The following CIAO3 variants were observed in gnomAD, a reference collection of about 807,000 sequenced individuals.
The protein encoded by CIAO3 is cytosolic iron-sulfur assembly component 3, also known as LET1 like/JFP15.
CIAO3 carries 45 observed loss-of-function variants against 51.5 expected under a neutral mutation model. The ratio of observed to expected loss-of-function variants is 0.87; its 90% confidence interval spans 0.69 to 1.12. The LOEUF is 1.12. Ranked by LOEUF, CIAO3 falls within the 50% of genes most tolerant of loss-of-function variation. The pLI is 0.00. For missense variants in CIAO3, 668 were observed against 632.5 expected (o/e 1.06, Z -0.60); for synonymous variants, 314 against 269.3 (o/e 1.17, Z -1.63).
chr16:740,361 G>A (rs922857665), intron 1 of CIAO3: 2 of 349,232 alleles, frequency 5.7e-6, no homozygotes, highest in African/African-American at 2.1e-5. Flanking sequence ...GCGACGTTAA[G>A]GACAGCTCTA....
At position 734,216 on chromosome 16, in the gene CIAO3, C is replaced by A. The variant is rs1390687628; in HGVS notation, c.693+13G>T. 1 of 1,608,574 alleles carries A rather than the reference C, an allele frequency of 6.2e-7. No homozygotes were observed. Among genetic ancestry groups the A allele is most frequent in the South Asian group, 1.1e-5 (1 of 91,034 alleles). The stretch of plus-strand genomic sequence containing the variant: ...TCCCCAGCCTGAGTCTGGGGCTGGC[C>A]CAACGCCGTTACCTGCTGCTGGGCG... On this transcript the variant is annotated intron_variant, in intron 6 of 10. Transcript: ENST00000251588.
chr16:732,718 C>T, intron 7 of CIAO3: 1 of 364,050 alleles, frequency 2.7e-6, no homozygotes, highest in South Asian at 2.1e-5. Flanking sequence ...CTCACTACGA[C>T]CTCTGCCCCC....
At position 730,604 on chromosome 16, in the gene CIAO3, T is replaced by C; in HGVS notation, c.1244A>G (p.Glu415Gly). Residue 415 changes from glutamate (E) to glycine (G), a missense_variant, in exon 11 of 11, where the codon GAG (glutamate) becomes GGG (glycine). Physicochemically the swap from Glu to Gly is moderately conservative, Grantham distance 98. Coordinates refer to ENST00000251588, the MANE Select transcript of CIAO3 (RefSeq NM_022493.3). ...CAGTCTCTCCACGTGCTGGAGGAGC[T>C]CTCTGCTGGGCCTGTCTGGGGCCTG... is the stretch of plus-strand genomic sequence containing the variant. ...QLQAPDRPSR[E>G]LLQHVERLYG... 1 of 1,610,620 alleles carries C rather than the reference T, an allele frequency of 6.2e-7. No individual in the cohort carries two copies. Among genetic ancestry groups the C allele is most frequent in the Non-Finnish European group, 8.5e-7 (1 of 1,179,962 alleles).
intron 1 of CIAO3, chr16:740,077 G>T: frequency 7.4e-7 from 1 of 1,354,290 alleles, no homozygotes; most frequent in Non-Finnish European, 9.7e-7. Flanking sequence ...GAGTTGCACT[G>T]CCCATCGAGA....
chr16:733,405 T>C lies in CIAO3; in HGVS notation c.716A>G (p.Tyr239Cys). 6.2e-7 allele frequency: 1 copy of C among 1,613,790 alleles called. No homozygotes were observed. The highest frequency in any genetic ancestry group is 1.1e-5 in the South Asian group (1 of 91,084). ...ATAGCAGGGCATCACTGTGACGTGG[T>C]AGATCTTGTCAGGGGTCAAGTGCTA... Reference protein sequence around the residue: ...QQQHLTPDKIYHVTVMPCYDK... With the variant: ...QQQHLTPDKICHVTVMPCYDK... Residue 239 changes from tyrosine (Y) to cysteine (C), a missense_variant, in exon 7 of 11, where the codon TAC (tyrosine) becomes TGC (cysteine). Transcript: ENST00000251588.
chr16:736,279 G>C lies in CIAO3; in HGVS notation c.426C>G (p.Phe142Leu). Residue 142 changes from phenylalanine (F) to leucine (L), a missense_variant, in exon 4 of 11, where the codon TTC becomes TTG. Physicochemically the swap from Phe to Leu is conservative, Grantham distance 22. Coordinates refer to ENST00000251588, the MANE Select transcript of CIAO3 (RefSeq NM_022493.3). ...TTCAAAGCCTACCTATTTTTTTAAA[G>C]AATGAGGTTAATTTCCTGGCAGTAT... ...PTDTARKLTS[F>L]FKKIGVHFVF... The C allele has an allele frequency of 3.1e-6, 5 of 1,612,772 alleles. No individual in the cohort carries two copies. The highest frequency in any genetic ancestry group is 4.2e-6 in the Non-Finnish European group (5 of 1,179,740).
intron 1 of CIAO3, 160 bp downstream of exon 1, chr16:740,760 A>G: frequency 1.5e-6 from 1 of 649,614 alleles, no homozygotes; most frequent in Non-Finnish European, 2.5e-6. Context: ...TCAGTGTCTG[A>G]GGCCCCGCGC....
chr16:739,028 T>A (rs2041366328), intron 2 of CIAO3, among the ~76,000 whole-genome samples: 1 of 143,628 alleles, frequency 7.0e-6, no homozygotes. Context: ...CTGGGCGCGG[T>A]GGCTCACGCC....
chr16:735,828 C>T (rs1161459161), intron 4 of CIAO3, among the ~76,000 whole-genome samples: 1 of 152,166 alleles, frequency 6.6e-6, no homozygotes. Context: ...ACACAGTAAC[C>T]ATGAGGTCCA....
In CIAO3 at chr16:733,441, C is replaced by A. The variant is rs1329980920; in HGVS notation, c.694-14G>T. The A allele has an allele frequency of 6.2e-7, 1 of 1,613,504 alleles. No homozygotes were observed. Among genetic ancestry groups the A allele is most frequent in the Admixed American group, 1.7e-5 (1 of 60,024 alleles). ...AGGGGTCAAGTGCTACAAGGAGAAA[C>A]AAACACTTGTCTCCCCAATCCCAGC... On this transcript the variant is annotated splice_polypyrimidine_tract_variant and intron_variant, in intron 6 of 10. Transcript: ENST00000251588.
intron 1 of CIAO3, chr16:740,058 C>A: frequency 7.2e-7 from 1 of 1,379,414 alleles, no homozygotes. Context: ...GTGACCACCA[C>A]AGAGACCAGA....
chr16:731,339 GT>G, intron 9 of CIAO3: 7 of 651,358 alleles, frequency 1.1e-5, no homozygotes, highest in Non-Finnish European at 1.0e-5. Context: ...CGGGCTCAGG[GT>G]CACCATCCCC....
At chr16:740,819 G>A (rs1030110899) in intron 1 of CIAO3, 101 bp downstream of exon 1, 1 of 1,260,014 alleles carries the variant, frequency 7.9e-7, no homozygotes, top group African/African-American at 1.5e-5. Context: ...CCGGGATTCG[G>A]ATCTCATTCC....
At chr16:736,135 A>C in intron 4 of CIAO3, 131 bp downstream of exon 4, 2 of 1,187,010 alleles carry the variant, frequency 1.7e-6, no homozygotes, top group Middle Eastern at 2.5e-4. Context: ...TCACAGAGGG[A>C]ATAAAGTTTC....
rs752363782 is a variant in CIAO3 at position 733,431 on chromosome 16, CA to C, written c.694-5del. 1.2e-6 allele frequency: 2 copies of C among 1,613,564 alleles called. No individual in the cohort carries two copies. The highest frequency in any genetic ancestry group is 3.3e-5 in the Admixed American group (2 of 60,030). ...AGATCTTGTCAGGGGTCAAGTGCTA[CA>C]AGGAGAAACAAACACTTGTCTCCCC... On this transcript the variant is annotated splice_polypyrimidine_tract_variant and splice_region_variant and intron_variant, in intron 6 of 10. Coordinates refer to ENST00000251588, the MANE Select transcript of CIAO3 (RefSeq NM_022493.3).
At position 730,552 on chromosome 16, in the gene CIAO3, G is replaced by T; in HGVS notation, c.1296C>A (p.Pro432=). The change falls in exon 11 of 11, where the codon CCC becomes CCA. Residue 432 remains proline, a synonymous_variant. Transcript: ENST00000251588. The part of the protein sequence containing the change: ...RLYGMVRAEA[P]EDAPGVQELY... The stretch of plus-strand genomic sequence containing the variant: ...GCTCCTGAACCCCAGGCGCGTCCTC[G>T]GGCGCCTCAGCCCGGACCATGCCGT... 6.2e-7 allele frequency: 1 copy of T among 1,610,932 alleles called. No individual in the cohort carries two copies. The highest frequency in any genetic ancestry group is 8.5e-7 in the Non-Finnish European group (1 of 1,179,982).
chr16:736,249 C>G lies in CIAO3; in HGVS notation c.439+17G>C, dbSNP rs747129457. 6.2e-7 allele frequency: 1 copy of G among 1,612,190 alleles called. No homozygotes were observed. Among genetic ancestry groups the G allele is most frequent in the Non-Finnish European group, 8.5e-7 (1 of 1,179,520 alleles). On this transcript the variant is annotated intron_variant, in intron 4 of 10. Transcript: ENST00000251588. ...CTTGATTTGGAGCGGCAGTGTTACC[C>G]CAGGTTCAAAGCCTACCTATTTTTT...
At chr16:740,284 G>C in intron 1 of CIAO3, 1 of 373,954 alleles carries the variant, frequency 2.7e-6, no homozygotes. Flanking sequence ...ACATGGACAG[G>C]CAGGTGCACC....
chr16:730,714 CACCAGGG>C, intron 10 of CIAO3, 59 bp from the exon 11 acceptor site: 1 of 1,583,760 alleles, frequency 6.3e-7, no homozygotes, highest in African/African-American at 1.3e-5. Flanking sequence ...GCTTCCTGAC[CACCAGGG>C]AGCAGGGAGG....
Sources: gnomAD v4.1 joint callset for allele counts (sites outside exome capture counted in the v4.1 genomes callset) on GRCh38, gnomAD v4.1.1 for gene constraint, MANE v1.5 for transcripts, NCBI Gene and HGNC (gene_info 2026-07-23, HGNC 2026-07-21) for gene names.